The following FGD6 variants were observed in gnomAD, a reference collection of about 807,000 sequenced individuals.
FGD6 encodes the protein FYVE, RhoGEF and PH domain containing 6.
A neutral mutation model predicts 149.4 loss-of-function variants in FGD6; 90 were observed. That is an observed-to-expected ratio of 0.60 (90% CI 0.51 to 0.72). FGD6 has a LOEUF of 0.72. Among genes scored for constraint, FGD6 ranks in the 30% least tolerant of loss-of-function variants. FGD6 has a pLI of 0.00. For missense variants in FGD6, 1,437 were observed against 1,684.8 expected (o/e 0.85, Z 2.57); for synonymous variants, 527 against 584.0 (o/e 0.90, Z 1.41).
rs139940820 is a variant in FGD6 at position 95,164,611 on chromosome 12, A to G, written c.2586+7989T>C. ...GTGCCTAGCTAATTTTTGTATTTTT[A>G]GTAGAGATGGAGTTTCACCATGTTG... On this transcript the variant is annotated intron_variant, in intron 3 of 20. Coordinates refer to ENST00000343958, the MANE Select transcript of FGD6 (RefSeq NM_018351.4). Among the ~76,000 whole-genome samples the G allele has an allele frequency of 1.9e-3, 287 of 152,130 alleles. 1 individual carries two copies. In the East Asian group the frequency reaches 0.025, roughly 13 times the overall value.
In FGD6 at chr12:95,114,764, T is replaced by C. The variant is rs572896999; in HGVS notation, c.3083-1063A>G. Among the ~76,000 whole-genome samples the C allele has an allele frequency of 2.0e-3, 311 of 152,288 alleles. 2 individuals are homozygous for C. The highest frequency in any genetic ancestry group is 3.9e-3 in the Admixed American group (60 of 15,290). On this transcript the variant is annotated intron_variant, in intron 8 of 20. Transcript: ENST00000343958. The stretch of plus-strand genomic sequence containing the variant: ...TTGAGAAATGCTGGATGGCCTCCCA[T>C]TACCTGTTAAATTAATACAAATTCC...
chr12:95,111,113 C>T (rs941178242), intron 9 of FGD6, among the ~76,000 whole-genome samples: 3 of 152,102 alleles, frequency 2.0e-5, no homozygotes, highest in African/African-American at 4.8e-5. Context: ...TACTGAGTAC[C>T]TGGTATTACA....
chr12:95,171,859 T>C (rs1417292967), intron 3 of FGD6, among the ~76,000 whole-genome samples: 1 of 152,226 alleles, frequency 6.6e-6, no homozygotes, highest in East Asian at 1.9e-4. Flanking sequence ...AATCTTCATG[T>C]ATGCTGTGCT....
At chr12:95,083,816 T>A (rs1592822364) in intron 20 of FGD6, among the ~76,000 whole-genome samples, 1 of 152,206 alleles carries the variant, frequency 6.6e-6, no homozygotes, top group East Asian at 1.9e-4. Context: ...AAAACAAAAA[T>A]GTATTCTTTT....
chr12:95,104,463 ATC>A lies in FGD6; in HGVS notation c.3497+542_3497+543del, dbSNP rs554238962. 1.3e-3 allele frequency among the ~76,000 whole-genome samples: 191 copies of A among 151,670 alleles called. 2 individuals carry two copies. Among genetic ancestry groups the A allele is most frequent in the African/African-American group, 4.3e-3 (178 of 41,358 alleles). On this transcript the variant is annotated intron_variant, in intron 14 of 20. Coordinates refer to ENST00000343958, the MANE Select transcript of FGD6 (RefSeq NM_018351.4). ...AAAAAATTTTTTTTTTTGAGACAGA[ATC>A]TCTCTCTGTCACCTAGGCTGGAGTG... is the stretch of plus-strand genomic sequence containing the variant.
intron 17 of FGD6, 93 bp downstream of exon 17, chr12:95,091,614 T>G (rs1878055441): frequency 1.4e-6 from 1 of 705,564 alleles, no homozygotes; most frequent in Admixed American, 3.0e-5. Flanking sequence ...ACAATCATAT[T>G]GCTAATGTAC....
At chr12:95,151,638 A>G (rs1036099634) in intron 5 of FGD6, among the ~76,000 whole-genome samples, 1 of 152,184 alleles carries the variant, frequency 6.6e-6, no homozygotes. Context: ...ATCATGCCTA[A>G]GTGTAACTTA....
At chr12:95,123,125 G>A (rs1879240412) in intron 8 of FGD6, among the ~76,000 whole-genome samples, 1 of 151,692 alleles carries the variant, frequency 6.6e-6, no homozygotes, top group Admixed American at 6.6e-5. Context: ...CCTTTCCTGG[G>A]CCAATGCACC....
rs71075900 is a variant in FGD6, at chr12:95,082,654, C to CAAAA, written c.4257-1102_4257-1099dup. ...CCTGGGCAACAGAGCGAGACTGTCT[C>CAAAA]AAAAAAAAAAAAAAAAAAAGAGCTT... On this transcript the variant is annotated intron_variant, in intron 20 of 20. Transcript: ENST00000343958. Among the ~76,000 whole-genome samples, 641 of 67,688 alleles carry CAAAA rather than the reference C, an allele frequency of 9.5e-3. 7 individuals carry two copies. Among genetic ancestry groups the CAAAA allele is most frequent in the African/African-American group, 0.039 (609 of 15,614 alleles). The allele number at this position is 67,688 out of a possible 152,430, so 44.4% of individuals were successfully genotyped here.
chr12:95,198,773 T>G (rs2136298009), intron 2 of FGD6, among the ~76,000 whole-genome samples: 1 of 152,336 alleles, frequency 6.6e-6, no homozygotes, highest in Admixed American at 6.5e-5. Flanking sequence ...GCTATTTATG[T>G]GAATGGCACT....
intron 9 of FGD6, among the ~76,000 whole-genome samples, chr12:95,109,935 T>A (rs1253500141): frequency 1.3e-5 from 2 of 151,962 alleles, no homozygotes; most frequent in Non-Finnish European, 2.9e-5. Context: ...TTTGGTCCAG[T>A]TATTGTAATC....
At chr12:95,202,512 T>C (rs1307291803) in intron 2 of FGD6, among the ~76,000 whole-genome samples, 1 of 152,202 alleles carries the variant, frequency 6.6e-6, no homozygotes, top group Admixed American at 6.5e-5. Flanking sequence ...TAATATTTAA[T>C]TGATACTCTT....
At chr12:95,191,510 A>C (rs531738406) in intron 2 of FGD6, among the ~76,000 whole-genome samples, 2 of 152,308 alleles carry the variant, frequency 1.3e-5, no homozygotes, top group African/African-American at 4.8e-5. Flanking sequence ...TAACCTGACC[A>C]CTGTTTGCTC....
At chr12:95,082,124 G>A (rs1877695969) in intron 20 of FGD6, among the ~76,000 whole-genome samples, 1 of 152,194 alleles carries the variant, frequency 6.6e-6, no homozygotes, top group African/African-American at 2.4e-5. Context: ...GTTCTATGAA[G>A]TCTTGATGCT....
chr12:95,184,123 C>A (rs1230667442), intron 2 of FGD6, among the ~76,000 whole-genome samples: 4 of 152,144 alleles, frequency 2.6e-5, no homozygotes, highest in Non-Finnish European at 5.9e-5. Context: ...TATATACAGA[C>A]CCCACTATAA....
At chr12:95,205,434 GC>G (rs1380792240) in intron 2 of FGD6, among the ~76,000 whole-genome samples, 3 of 152,174 alleles carry the variant, frequency 2.0e-5, no homozygotes, top group Non-Finnish European at 4.4e-5. Context: ...GTGAATTAGA[GC>G]CCTGACCCAG....
At chr12:95,106,450 T>TG (rs1878628578) in intron 13 of FGD6, among the ~76,000 whole-genome samples, 1 of 151,668 alleles carries the variant, frequency 6.6e-6, no homozygotes, top group African/African-American at 2.4e-5. Flanking sequence ...TTTGTTTGTT[T>TG]TTTTTTTGTA....
intron 14 of FGD6, among the ~76,000 whole-genome samples, chr12:95,098,093 C>G (rs1592829605): frequency 6.6e-6 from 1 of 152,102 alleles, no homozygotes; most frequent in South Asian, 2.1e-4. Flanking sequence ...AAATCCAGAT[C>G]CTTACAGAAA....
chr12:95,210,283 G>A lies in FGD6; in HGVS notation c.1001C>T (p.Pro334Leu). Reference sequence around the variant, plus strand: ...CCCCGGTTCTTCAGTGCTTTCACTAGGAGTATCTACACACTTTTGGCGTAA... The same window carrying A: ...CCCCGGTTCTTCAGTGCTTTCACTAAGAGTATCTACACACTTTTGGCGTAA... ...RLLRQKCVDTPSESTEEPGNS... is the reference protein window; with the variant it reads ...RLLRQKCVDTLSESTEEPGNS... The change falls in exon 2 of 21, where the codon CCT becomes CTT. Residue 334 changes from proline to leucine, a missense_variant. Around this residue, in one of 2 missense-constraint regions of FGD6, gnomAD observed 1,055 missense variants for 1,146.0 expected, o/e 0.92. Transcript: ENST00000343958. 3 of 1,614,012 alleles carry A rather than the reference G, an allele frequency of 1.9e-6. No individual in the cohort carries two copies. The highest frequency in any genetic ancestry group is 2.5e-6 in the Non-Finnish European group (3 of 1,179,972).
Sources: gnomAD v4.1 joint callset for allele counts (sites outside exome capture counted in the v4.1 genomes callset) on GRCh38, gnomAD v4.1.1 for gene constraint, gnomAD v4.1.1 regional missense constraint, MANE v1.5 for transcripts, NCBI Gene and HGNC (gene_info 2026-07-23, HGNC 2026-07-21) for gene names.